The following DROSHA variants were observed in gnomAD, a reference collection of about 807,000 sequenced individuals.
DROSHA encodes the protein ribonuclease 3.
In DROSHA, 56 loss-of-function variants were observed where a neutral mutation model predicts 181.9. The ratio of observed to expected loss-of-function variants is 0.31; its 90% CI spans 0.25 to 0.38. The LOEUF (loss-of-function observed/expected upper bound fraction) is 0.38. Among genes scored for constraint, DROSHA ranks in the 10% least tolerant of loss-of-function variants. The probability of loss-of-function intolerance (pLI) is 1.00; values close to 1 mark genes in which losing one functional copy is unlikely to be tolerated. For missense variants in DROSHA, 1,218 were observed against 1,743.5 expected (o/e 0.70, Z 5.37); for synonymous variants, 524 against 591.2 (o/e 0.89, Z 1.65).
In DROSHA at chr5:31,486,421, C is replaced by A. The variant is rs115096261; in HGVS notation, c.1914+70G>T. ...AAGCCAGATCTGGCCAAGTTCAATG[C>A]TTTAAAATAGTAGTATGGAACAAGC... On this transcript the variant is annotated intron_variant, in intron 14 of 35. Transcript: ENST00000344624. 1.1e-3 allele frequency: 1,644 copies of A among 1,516,644 alleles called. 21 individuals carry two copies. In the African/African-American group the frequency reaches 0.02, roughly 19 times the overall value. The allele number at this position is 1,516,644 out of a possible 1,614,324, so 93.9% of individuals were successfully genotyped here.
At chr5:31,405,360 A>C (rs564159987) in intron 35 of DROSHA, among the ~76,000 whole-genome samples, 1 of 150,390 alleles carries the variant, frequency 6.6e-6, no homozygotes, top group South Asian at 2.1e-4. Flanking sequence ...GGGCAACAAC[A>C]GCGAAACTCC....
chr5:31,524,981 G>C (rs894312853), intron 5 of DROSHA, among the ~76,000 whole-genome samples: 12 of 152,050 alleles, frequency 7.9e-5, no homozygotes, highest in African/African-American at 2.9e-4. Context: ...GATCACTTGA[G>C]TTCAGGAGGT....
chr5:31,438,358 G>C (rs920632912), intron 23 of DROSHA, among the ~76,000 whole-genome samples: 1 of 152,212 alleles, frequency 6.6e-6, no homozygotes, highest in East Asian at 1.9e-4. Context: ...TCCTGCATGG[G>C]AGGCTTAGGC....
At position 31,514,856 on chromosome 5, in the gene DROSHA, C is replaced by G; in HGVS notation, c.1290+132G>C. On this transcript the variant is annotated intron_variant, in intron 8 of 35. Coordinates refer to ENST00000344624, the MANE Select transcript of DROSHA (RefSeq NM_001382508.1). This position sits in a 1 kb window ranked among gnomAD's most constrained non-coding sequence, Gnocchi z 4.4. ...ACTACTGGCATCTAACAGGTAGAGC[C>G]CAGAGATGCCGCTAAACATCCTACA... is the stretch of plus-strand genomic sequence containing the variant. 1.3e-6 allele frequency: 1 copy of G among 782,924 alleles called. No homozygotes were observed. The highest frequency in any genetic ancestry group is 1.8e-5 in the South Asian group (1 of 54,610). The allele number at this position is 782,924 out of a possible 1,614,324, so 48.5% of individuals were successfully genotyped here.
chr5:31,497,818 A>C (rs1053921829), intron 11 of DROSHA, among the ~76,000 whole-genome samples: 5 of 152,180 alleles, frequency 3.3e-5, no homozygotes, highest in African/African-American at 1.2e-4. Flanking sequence ...CTCCCTTTCC[A>C]TCTGATTCTC....
At chr5:31,474,308 CAT>C (rs1750110934) in intron 16 of DROSHA, among the ~76,000 whole-genome samples, 1 of 152,100 alleles carries the variant, frequency 6.6e-6, no homozygotes, top group Non-Finnish European at 1.5e-5. Context: ...AGCTAACTTC[CAT>C]AGTGTTATGG....
chr5:31,475,886 G>A (rs760227450), intron 16 of DROSHA, among the ~76,000 whole-genome samples: 1 of 152,176 alleles, frequency 6.6e-6, no homozygotes, highest in African/African-American at 2.4e-5. Context: ...TGACTCCATG[G>A]CACTTCAGAT....
chr5:31,503,182 C>T (rs1460452198), intron 11 of DROSHA, among the ~76,000 whole-genome samples: 1 of 152,166 alleles, frequency 6.6e-6, no homozygotes, highest in East Asian at 1.9e-4. Context: ...CCCAGAGCAA[C>T]AGGAGGGGCA....
At chr5:31,469,373 C>CA (rs895597991) in intron 17 of DROSHA, among the ~76,000 whole-genome samples, 60 of 145,462 alleles carry the variant, frequency 4.1e-4, no homozygotes, top group South Asian at 3.0e-3. Context: ...CAAAACAAAA[C>CA]AAAAAAAAAA....
intron 5 of DROSHA, among the ~76,000 whole-genome samples, chr5:31,525,544 A>C (rs1740444326): frequency 6.6e-6 from 1 of 151,542 alleles, no homozygotes; most frequent in African/African-American, 2.4e-5. Flanking sequence ...TTTGAAAACT[A>C]ACTTTCATAA....
chr5:31,518,474 CT>C (rs1739510175), intron 6 of DROSHA, among the ~76,000 whole-genome samples: 1 of 152,192 alleles, frequency 6.6e-6, no homozygotes, highest in Non-Finnish European at 1.5e-5. Context: ...TTGTTAATAA[CT>C]TTCCATAGTG....
At chr5:31,414,055 C>T (rs1347680743) in intron 30 of DROSHA, among the ~76,000 whole-genome samples, 1 of 152,114 alleles carries the variant, frequency 6.6e-6, no homozygotes, top group Admixed American at 6.5e-5. Context: ...GGCCATTACA[C>T]AGCAAGGTGA....
chr5:31,423,662 T>C (rs891842979), intron 28 of DROSHA, among the ~76,000 whole-genome samples: 2 of 152,192 alleles, frequency 1.3e-5, no homozygotes, highest in African/African-American at 4.8e-5. Context: ...TAATAAAATA[T>C]TTTTAAAGTA....
At chr5:31,522,588 A>G (rs1445390736) in intron 5 of DROSHA, among the ~76,000 whole-genome samples, 1 of 152,254 alleles carries the variant, frequency 6.6e-6, no homozygotes, top group Non-Finnish European at 1.5e-5. Context: ...CTATTAAGAC[A>G]AATTCTTTTA....
At chr5:31,497,085 G>A (rs367732271) in intron 11 of DROSHA, among the ~76,000 whole-genome samples, 12 of 152,294 alleles carry the variant, frequency 7.9e-5, no homozygotes, top group African/African-American at 2.4e-4. Flanking sequence ...GAAGGCCTAC[G>A]GATCAGCCAG....
chr5:31,413,344 C>T (rs1233408625), intron 30 of DROSHA, among the ~76,000 whole-genome samples: 2 of 152,302 alleles, frequency 1.3e-5, no homozygotes, highest in African/African-American at 4.8e-5. Context: ...ATATTCTCAT[C>T]GTCAGTTTAA....
intron 27 of DROSHA, among the ~76,000 whole-genome samples, chr5:31,426,300 A>C (rs1396999093): frequency 6.6e-6 from 1 of 152,038 alleles, no homozygotes; most frequent in Non-Finnish European, 1.5e-5. Context: ...TAGCTCAAGG[A>C]CCTTAGGCAA....
At chr5:31,502,939 G>T (rs1161416657) in intron 11 of DROSHA, among the ~76,000 whole-genome samples, 1 of 152,206 alleles carries the variant, frequency 6.6e-6, no homozygotes, top group Non-Finnish European at 1.5e-5. Flanking sequence ...CTGGTCAGAA[G>T]CAAGTGACCA....
At chr5:31,486,991 A>C (rs1751851444) in intron 13 of DROSHA, among the ~76,000 whole-genome samples, 1 of 152,222 alleles carries the variant, frequency 6.6e-6, no homozygotes, top group Non-Finnish European at 1.5e-5. Flanking sequence ...AGGTCACTGA[A>C]AACACCCAAT....
Sources: allele counts gnomAD v4.1 joint callset (sites outside exome capture counted in the v4.1 genomes callset), GRCh38; gene constraint gnomAD v4.1.1; non-coding constraint Gnocchi (gnomAD v3.1); transcripts MANE v1.5; gene names NCBI Gene and HGNC (gene_info 2026-07-23, HGNC 2026-07-21).